TUT4: variants seen among roughly 807,000 people sequenced by gnomAD.
TUT4 encodes the protein terminal uridylyltransferase 4.
A neutral mutation model predicts 192.2 loss-of-function variants in TUT4; 36 were observed. The observed-to-expected ratio is 0.19, with a 90% confidence interval of 0.14 to 0.25. The LOEUF (loss-of-function observed/expected upper bound fraction) is 0.25, where lower values mean the gene tolerates loss of function less well. Among genes scored for constraint, TUT4 ranks in the 10% least tolerant of loss-of-function variants. TUT4 has a pLI of 1.00. For missense variants in TUT4, 1,493 were observed against 1,957.2 expected (o/e 0.76, Z 4.47); for synonymous variants, 618 against 666.0 (o/e 0.93, Z 1.11).
intron 16 of TUT4, chr1:52,463,844 T>G (rs901780481): frequency 4.0e-6 from 5 of 1,256,968 alleles, no homozygotes; most frequent in African/African-American, 3.1e-5. Context: ...GGGGAAGGTC[T>G]GCTCCTGGCA....
At chr1:52,429,015 T>G (rs983634176) in intron 28 of TUT4, among the ~76,000 whole-genome samples, 2 of 152,040 alleles carry the variant, frequency 1.3e-5, no homozygotes, top group African/African-American at 4.8e-5. Context: ...TAAAGTTGGT[T>G]AATGGGGAGG....
chr1:52,445,010 T>C (rs1196069734), intron 24 of TUT4, among the ~76,000 whole-genome samples: 1 of 133,630 alleles, frequency 7.5e-6, no homozygotes, highest in East Asian at 2.0e-4. Flanking sequence ...TGTATGTGTG[T>C]ATATATATGT....
At chr1:52,515,694 G>C (rs1678538248) in intron 3 of TUT4, 197 bp downstream of exon 3, 1 of 666,782 alleles carries the variant, frequency 1.5e-6, no homozygotes, top group Non-Finnish European at 2.6e-6. Flanking sequence ...CAGACTCACA[G>C]ATAATAAGTA....
At chr1:52,499,388 ACT>A (rs1274609911) in intron 4 of TUT4, among the ~76,000 whole-genome samples, 2 of 152,072 alleles carry the variant, frequency 1.3e-5, no homozygotes, top group South Asian at 2.1e-4. Context: ...ACAGAGCAAG[ACT>A]CTGTCTCAAA....
chr1:52,458,293 T>A, intron 20 of TUT4, 43 bp downstream of exon 20: 1 of 1,471,424 alleles, frequency 6.8e-7, no homozygotes, highest in Non-Finnish European at 9.4e-7. Context: ...TTAGATCTAT[T>A]GTTTTCAAAA....
intron 11 of TUT4, among the ~76,000 whole-genome samples, chr1:52,480,622 T>A (rs140001981): frequency 1.4e-4 from 21 of 152,274 alleles, no homozygotes; most frequent in Admixed American, 1.4e-3. Flanking sequence ...CATGTTTGAT[T>A]TTGTAGGGAA....
chr1:52,501,536 T>A (rs954660557), intron 4 of TUT4, among the ~76,000 whole-genome samples: 8 of 152,130 alleles, frequency 5.3e-5, no homozygotes, highest in Non-Finnish European at 8.8e-5. Flanking sequence ...GTCACCACTG[T>A]GGAAAACAGC....
chr1:52,551,773 GAAT>G, intron 1 of TUT4, among the ~76,000 whole-genome samples: 1 of 150,448 alleles, frequency 6.6e-6, no homozygotes, highest in East Asian at 2.0e-4. Context: ...GGTATTCTCT[GAAT>G]TATCATATCT....
chr1:52,456,463 CAA>C (rs916132342), intron 20 of TUT4, among the ~76,000 whole-genome samples: 21 of 41,146 alleles, frequency 5.1e-4, no homozygotes, highest in Non-Finnish European at 1.6e-4. Flanking sequence ...AGAGGTTCAA[CAA>C]AAAAGTCTGA....
At position 52,506,443 on chromosome 1, in the gene TUT4, A is replaced by T. The variant is rs577446652; in HGVS notation, c.999+3153T>A. ...CAGTGTTCTGGAAAAATTTGTACAG[A>T]ACAAGTACATGTATATTGATCAATT... On this transcript the variant is annotated intron_variant, in intron 4 of 29. Transcript: ENST00000257177. 4.7e-4 allele frequency among the ~76,000 whole-genome samples: 72 copies of T among 152,322 alleles called. 1 individual carries two copies. In the South Asian group the frequency reaches 0.015, roughly 31 times the overall value.
In TUT4 at chr1:52,461,702, A is replaced by C; in HGVS notation, c.3127+10T>G. ...TATTTTGTTTTACAGATAAGATTCA[A>C]AATTCATACCTGGATGTCTCTTAAG... is the stretch of plus-strand genomic sequence containing the variant. On this transcript the variant is annotated intron_variant, in intron 17 of 29. Transcript: ENST00000257177. 1 of 1,525,686 alleles carries C rather than the reference A, an allele frequency of 6.6e-7. No homozygotes were observed. The highest frequency in any genetic ancestry group is 8.9e-7 in the Non-Finnish European group (1 of 1,121,952). The allele number at this position is 1,525,686 out of a possible 1,614,324, so 94.5% of individuals were successfully genotyped here.
In TUT4 at chr1:52,475,154, G is replaced by A; in HGVS notation, c.2405C>T (p.Thr802Ile). ...DHGQDSSSLS[T>I]SKSSEIEPKL... Reference sequence around the variant, plus strand: ...TGGCTCTATTTCACTGCTTTTGCTGGTAGAAAGAGATGAAGAGTCCTGTCC... The same window carrying A: ...TGGCTCTATTTCACTGCTTTTGCTGATAGAAAGAGATGAAGAGTCCTGTCC... The change falls in exon 13 of 30, where the codon ACC becomes ATC. Residue 802 changes from threonine (T) to isoleucine (I), a missense_variant. Physicochemically the swap from Thr to Ile is moderately conservative, Grantham distance 89 (BLOSUM62 -1). Transcript: ENST00000257177. The A allele has an allele frequency of 1.2e-6, 2 of 1,614,028 alleles. No homozygotes were observed. Among genetic ancestry groups the A allele is most frequent in the South Asian group, 2.2e-5 (2 of 91,066 alleles).
intron 16 of TUT4, 119 bp downstream of exon 16, chr1:52,464,951 T>G: frequency 1.5e-6 from 1 of 668,572 alleles, no homozygotes; most frequent in Non-Finnish European, 2.3e-6. Flanking sequence ...ACACTTATTT[T>G]GCTAATATAT....
At chr1:52,465,254 C>CA (rs1244026498) in intron 15 of TUT4, 81 bp from the exon 16 acceptor site, 11 of 852,808 alleles carry the variant, frequency 1.3e-5, no homozygotes, top group East Asian at 8.4e-5. Flanking sequence ...TGACCTAATA[C>CA]AACATGCTCT....
intron 1 of TUT4, among the ~76,000 whole-genome samples, chr1:52,537,501 T>C (rs77620036): frequency 0.022 from 3,350 of 152,226 alleles, 109 homozygotes; most frequent in African/African-American, 0.075. Flanking sequence ...GTTAACACAA[T>C]TGAAAAGAGA....
intron 2 of TUT4, among the ~76,000 whole-genome samples, chr1:52,521,324 G>C (rs1362222122): frequency 2.0e-5 from 3 of 152,144 alleles, no homozygotes; most frequent in Admixed American, 1.3e-4. Flanking sequence ...GCCTAATGGA[G>C]AAGACTGAGA....
chr1:52,520,177 G>A (rs1262862559), intron 2 of TUT4, among the ~76,000 whole-genome samples: 1 of 152,212 alleles, frequency 6.6e-6, no homozygotes, highest in African/African-American at 2.4e-5. Context: ...GGAGCAGAGA[G>A]AAAGGGTGAG....
chr1:52,551,909 C>T (rs1341153859), intron 1 of TUT4, among the ~76,000 whole-genome samples: 1 of 152,154 alleles, frequency 6.6e-6, no homozygotes, highest in Non-Finnish European at 1.5e-5. Flanking sequence ...GGGAAAAAAT[C>T]TTTGGAAATA....
chr1:52,512,979 C>A (rs1677626034), intron 3 of TUT4, among the ~76,000 whole-genome samples: 1 of 151,796 alleles, frequency 6.6e-6, no homozygotes, highest in Admixed American at 6.6e-5. Flanking sequence ...GAGGACAAGC[C>A]AGTTGTGGTA....
Sources: gnomAD v4.1 joint callset for allele counts (sites outside exome capture counted in the v4.1 genomes callset) on GRCh38, gnomAD v4.1.1 for gene constraint, MANE v1.5 for transcripts, NCBI Gene and HGNC (gene_info 2026-07-23, HGNC 2026-07-21) for gene names.